ZMYND8: variants seen among roughly 807,000 people sequenced by gnomAD.
The protein encoded by ZMYND8 is MYND-type zinc finger-containing chromatin reader ZMYND8.
A neutral mutation model predicts 140.8 loss-of-function variants in ZMYND8; 37 were observed. That is an observed-to-expected ratio of 0.26 (90% CI 0.20 to 0.35). ZMYND8 has a LOEUF of 0.35. Ranked by LOEUF, ZMYND8 falls within the 10% of genes least tolerant of loss-of-function variation. The pLI is 1.00. For missense variants in ZMYND8, 1,068 were observed against 1,570.0 expected (o/e 0.68, Z 5.40); for synonymous variants, 592 against 597.1 (o/e 0.99, Z 0.12).
rs748626646 is a variant in ZMYND8, at chr20:47,283,767, T to C, written c.805-119A>G. On this transcript the variant is annotated intron_variant, in intron 8 of 22. Transcript: ENST00000471951. The stretch of plus-strand genomic sequence containing the variant: ...TTTAAAGTCCCATAGAGGGAACACC[T>C]TGGAGATGAATCCAACCACTATGTA... The C allele has an allele frequency of 1.7e-4, 163 of 967,134 alleles. 2 individuals carry two copies. The Middle Eastern group carries it at 2.7e-3, about 16-fold the overall frequency. 59.9% of individuals were successfully genotyped at this position (967,134 alleles called of 1,614,324 possible).
chr20:47,218,950 C>T (rs2036519704), intron 21 of ZMYND8, among the ~76,000 whole-genome samples: 1 of 151,952 alleles, frequency 6.6e-6, no homozygotes, highest in African/African-American at 2.4e-5. Context: ...TCGTCAGTGG[C>T]TCACGCCTGT....
intron 3 of ZMYND8, 83 bp downstream of exon 3, chr20:47,309,973 C>T (rs1044085934): frequency 3.8e-6 from 6 of 1,565,924 alleles, no homozygotes; most frequent in African/African-American, 1.4e-5. Flanking sequence ...AGAAAGCCGG[C>T]GCTTACAAGG....
chr20:47,351,850 C>G lies in ZMYND8; in HGVS notation c.15-3924G>C, dbSNP rs1444847465. ...AGCTGTAGCTCTTGTTTAAGCAGCCCTGCGAGTTTCAAAGCCACCTTCCTA... is the reference window on the plus strand; with the variant it reads ...AGCTGTAGCTCTTGTTTAAGCAGCCGTGCGAGTTTCAAAGCCACCTTCCTA... On this transcript the variant is annotated intron_variant, in intron 1 of 22. Coordinates refer to ENST00000471951, the MANE Select transcript of ZMYND8 (RefSeq NM_001281775.3). The G allele has an allele frequency of 6.1e-6, 6 of 985,262 alleles. No homozygotes were observed. In the South Asian group the frequency reaches 2.3e-4, roughly 39 times the overall value. 61.0% of individuals were successfully genotyped at this position (985,262 alleles called of 1,614,324 possible). A position where few individuals can be genotyped will look rare whatever the true frequency, so the allele number is the denominator to read the frequency against.
chr20:47,242,728 A>C (rs965466840), intron 14 of ZMYND8, among the ~76,000 whole-genome samples: 2 of 152,192 alleles, frequency 1.3e-5, no homozygotes, highest in African/African-American at 4.8e-5. Flanking sequence ...AGAGTATACA[A>C]TCCGATAAGA....
chr20:47,276,080 A>G (rs149836485), intron 11 of ZMYND8, among the ~76,000 whole-genome samples: 1 of 152,324 alleles, frequency 6.6e-6, no homozygotes, highest in Non-Finnish European at 1.5e-5. Flanking sequence ...ATTTCTGGCC[A>G]TCTCCATCTA....
At chr20:47,257,127 G>T (rs2074795087) in intron 12 of ZMYND8, among the ~76,000 whole-genome samples, 1 of 152,076 alleles carries the variant, frequency 6.6e-6, no homozygotes, top group Admixed American at 6.6e-5. Context: ...AATCCACTGG[G>T]CTCAGCTCCT....
chr20:47,269,293 G>A (rs1470460552), intron 11 of ZMYND8, among the ~76,000 whole-genome samples: 1 of 152,188 alleles, frequency 6.6e-6, no homozygotes, highest in Non-Finnish European at 1.5e-5. Context: ...GGGTGGTACT[G>A]GCATGGAGGC....
At chr20:47,239,472 C>T (rs555676278) in intron 14 of ZMYND8, among the ~76,000 whole-genome samples, 1 of 152,304 alleles carries the variant, frequency 6.6e-6, no homozygotes, top group East Asian at 1.9e-4. Flanking sequence ...ATGCGGTGGG[C>T]GAACAGATTC....
intron 21 of ZMYND8, among the ~76,000 whole-genome samples, chr20:47,213,832 T>C (rs1190800537): frequency 6.6e-6 from 1 of 152,084 alleles, no homozygotes; most frequent in Admixed American, 6.6e-5. Flanking sequence ...AATGATGAAG[T>C]CAAGAAATAG....
At chr20:47,266,260 A>G (rs917280462) in intron 11 of ZMYND8, among the ~76,000 whole-genome samples, 13 of 109,306 alleles carry the variant, frequency 1.2e-4, no homozygotes, top group Non-Finnish European at 2.0e-4. Flanking sequence ...CACCTGGATC[A>G]TTCTTTTTGT....
intron 21 of ZMYND8, 145 bp from the exon 22 acceptor site, chr20:47,212,870 T>TG: frequency 8.8e-6 from 6 of 682,850 alleles, no homozygotes; most frequent in Non-Finnish European, 1.2e-5. Flanking sequence ...TTGTCCAACT[T>TG]TAATGCAAGC....
chr20:47,346,373 A>G (rs2082334710), intron 2 of ZMYND8, among the ~76,000 whole-genome samples: 1 of 152,058 alleles, frequency 6.6e-6, no homozygotes, highest in Admixed American at 6.5e-5. Context: ...TGGCACTGAA[A>G]CTTCCTGCCA....
At chr20:47,267,076 T>C (rs2147646616) in intron 11 of ZMYND8, among the ~76,000 whole-genome samples, 1 of 152,348 alleles carries the variant, frequency 6.6e-6, no homozygotes, top group South Asian at 2.1e-4. Context: ...AGGAATGAAG[T>C]TCTGATACGT....
At chr20:47,318,939 G>A in intron 2 of ZMYND8, 3 of 1,350,038 alleles carry the variant, frequency 2.2e-6, no homozygotes, top group Non-Finnish European at 2.9e-6. Context: ...AACGCCAAGA[G>A]GAGGCACTTA....
chr20:47,210,861 C>T lies in ZMYND8; in HGVS notation c.3605G>A (p.Ser1202Asn). The change falls in exon 23 of 23, where the codon AGT becomes AAT. Residue 1202 changes from serine (S) to asparagine (N), a missense_variant. Transcript: ENST00000471951. ...SRSNKSSWSSSDEKRGSTRSD... is the reference protein window; with the variant it reads ...SRSNKSSWSSNDEKRGSTRSD... Reference sequence around the variant, plus strand: ...ACGTGTCGATCCCCTCTTCTCATCACTGCTGCTCCAACTGGATTTATTACT... The same window carrying T: ...ACGTGTCGATCCCCTCTTCTCATCATTGCTGCTCCAACTGGATTTATTACT... 6.2e-7 allele frequency: 1 copy of T among 1,614,082 alleles called. No individual in the cohort carries two copies. Among genetic ancestry groups the T allele is most frequent in the Non-Finnish European group, 8.5e-7 (1 of 1,180,018 alleles).
At chr20:47,258,048 T>C (rs890824776) in intron 12 of ZMYND8, among the ~76,000 whole-genome samples, 1 of 152,222 alleles carries the variant, frequency 6.6e-6, no homozygotes, top group African/African-American at 2.4e-5. Context: ...TGAAATTGAT[T>C]GTCAGCTTTT....
intron 16 of ZMYND8, among the ~76,000 whole-genome samples, chr20:47,230,150 A>G (rs937159321): frequency 1.3e-5 from 2 of 152,188 alleles, no homozygotes; most frequent in African/African-American, 4.8e-5. Flanking sequence ...AAAAATTTCC[A>G]ACAAATTTCA....
Position 47,238,853 on chromosome 20 carries a change from A to T in ZMYND8, c.2570T>A (p.Met857Lys), listed in dbSNP as rs761854841. The change falls in exon 15 of 23, where the codon ATG becomes AAG. Residue 857 changes from methionine to lysine, a missense_variant. Met to Lys is a moderately conservative substitution (Grantham distance 95, BLOSUM62 -1). Transcript: ENST00000471951. ...TSSQKWHMQKMQRQQQQQQQQ... is the reference protein window; with the variant it reads ...TSSQKWHMQKKQRQQQQQQQQ... ...CTGCTGCTGCTGCTGCTGACGCTGC[A>T]TCTTCTGCATGTGCCACTTTTGGGA... The T allele has an allele frequency of 1.9e-6, 3 of 1,613,196 alleles. No individual in the cohort carries two copies. The Admixed American group carries it at 5.0e-5, about 27-fold the overall frequency.
At chr20:47,232,068 C>T (rs750032307) in intron 16 of ZMYND8, among the ~76,000 whole-genome samples, 4 of 152,146 alleles carry the variant, frequency 2.6e-5, no homozygotes, top group Non-Finnish European at 5.9e-5. Context: ...AAAGAAAACA[C>T]TTATCAAAAA....
Sources: allele counts gnomAD v4.1 joint callset (sites outside exome capture counted in the v4.1 genomes callset), GRCh38; gene constraint gnomAD v4.1.1; transcripts MANE v1.5; gene names NCBI Gene and HGNC (gene_info 2026-07-23, HGNC 2026-07-21).